KMT2C: variants seen among roughly 807,000 people sequenced by gnomAD.
KMT2C encodes the protein lysine methyltransferase 2C, also known as histone-lysine N-methyltransferase 2C.
A neutral mutation model predicts 507.9 loss-of-function variants in KMT2C; 88 were observed. That is an observed-to-expected ratio of 0.17 (90% CI 0.15 to 0.21). The LOEUF (loss-of-function observed/expected upper bound fraction) is 0.21. KMT2C is among the 10% of genes least tolerant of loss of function. The pLI is 1.00. For synonymous variants in KMT2C, 2,049 were observed against 2,080.8 expected, an observed-to-expected ratio of 0.98 and a Z score of 0.42; for missense variants, 4,954 against 5,957.8, an observed-to-expected ratio of 0.83 and a Z score of 5.55.
intron 1 of KMT2C, among the ~76,000 whole-genome samples, chr7:152,433,140 T>G (rs1026100386): frequency 6.0e-5 from 9 of 150,850 alleles, no homozygotes. Context: ...AGAGCAAGAC[T>G]TCGTCCAGAA....
chr7:152,159,114 C>G (rs377386936), intron 43 of KMT2C, 42 bp from the exon 44 acceptor site: 8 of 1,584,668 alleles, frequency 5.0e-6, no homozygotes, highest in Non-Finnish European at 6.9e-6. Context: ...GAACAATTTG[C>G]ATATTTGGTT....
At chr7:152,160,546 C>T (rs2092383687) in intron 43 of KMT2C, among the ~76,000 whole-genome samples, 2 of 151,810 alleles carry the variant, frequency 1.3e-5, no homozygotes, top group Admixed American at 1.3e-4. Flanking sequence ...TTACAAAGCT[C>T]CCACCTGATG....
chr7:152,237,897 G>A (rs1283592063), intron 15 of KMT2C, among the ~76,000 whole-genome samples: 3 of 152,240 alleles, frequency 2.0e-5, no homozygotes, highest in African/African-American at 4.8e-5. Flanking sequence ...TTATTTTCTC[G>A]AACATGAAAT....
rs149341503 is a variant in KMT2C, at chr7:152,157,203, C to A, written c.11671-857G>T. On this transcript the variant is annotated intron_variant, in intron 44 of 58. Coordinates refer to ENST00000262189, the MANE Select transcript of KMT2C (RefSeq NM_170606.3). ...GACCTCAGGGTGTGGTGGTGCATGC[C>A]TGTAGTCCCAGCTACTTGGTAGGTT... 4.2e-3 allele frequency among the ~76,000 whole-genome samples: 629 copies of A among 151,496 alleles called. 5 individuals are homozygous for A. Among genetic ancestry groups the A allele is most frequent in the African/African-American group, 0.015 (601 of 41,324 alleles).
At chr7:152,433,543 C>A (rs1218620243) in intron 1 of KMT2C, among the ~76,000 whole-genome samples, 1 of 152,184 alleles carries the variant, frequency 6.6e-6, no homozygotes, top group Non-Finnish European at 1.5e-5. Context: ...AAAGTTTAGA[C>A]CCGTCAAATT....
intron 44 of KMT2C, among the ~76,000 whole-genome samples, chr7:152,157,303 G>C (rs2092123675): frequency 6.7e-6 from 1 of 149,696 alleles, no homozygotes; most frequent in African/African-American, 2.5e-5. Context: ...AATCTGGCCT[G>C]GGTGACAGAG....
intron 6 of KMT2C, among the ~76,000 whole-genome samples, chr7:152,292,038 AT>A (rs141723956): frequency 6.6e-6 from 1 of 150,586 alleles, no homozygotes; most frequent in Non-Finnish European, 1.5e-5. Flanking sequence ...TTAATTTACT[AT>A]TTTTTTTTCT....
intron 5 of KMT2C, among the ~76,000 whole-genome samples, chr7:152,310,739 A>G (rs2096664233): frequency 1.3e-5 from 2 of 152,146 alleles, no homozygotes; most frequent in African/African-American, 2.4e-5. Flanking sequence ...GCTGAAGTTC[A>G]GTGGCATGAA....
intron 3 of KMT2C, among the ~76,000 whole-genome samples, chr7:152,320,439 G>A (rs2129205679): frequency 6.6e-6 from 1 of 152,194 alleles, no homozygotes; most frequent in South Asian, 2.1e-4. Flanking sequence ...AGTAGAGACG[G>A]AGTTTTGCCA....
chr7:152,260,864 T>C (rs1319962713), intron 9 of KMT2C, among the ~76,000 whole-genome samples: 5 of 151,782 alleles, frequency 3.3e-5, no homozygotes, highest in African/African-American at 4.8e-5. Flanking sequence ...GTTAATCAAA[T>C]CAAACAGAGA....
At chr7:152,408,736 G>GA (rs1419672473) in intron 1 of KMT2C, among the ~76,000 whole-genome samples, 1 of 150,150 alleles carries the variant, frequency 6.7e-6, no homozygotes. Context: ...GGGGTCTGTG[G>GA]AAAAAACTCT....
intron 1 of KMT2C, among the ~76,000 whole-genome samples, chr7:152,368,900 T>C (rs1290965129): frequency 1.3e-5 from 2 of 152,084 alleles, no homozygotes; most frequent in African/African-American, 4.8e-5. Context: ...TTTCTTTTTC[T>C]TTTTTTTATT....
At chr7:152,364,389 CA>C (rs2097220488) in intron 1 of KMT2C, among the ~76,000 whole-genome samples, 1 of 152,034 alleles carries the variant, frequency 6.6e-6, no homozygotes, top group African/African-American at 2.4e-5. Context: ...GGGCAGATCA[CA>C]AGGTCAGGAG....
intron 6 of KMT2C, among the ~76,000 whole-genome samples, chr7:152,290,246 G>GTA (rs2096390604): frequency 1.1e-5 from 1 of 88,622 alleles, no homozygotes; most frequent in East Asian, 3.0e-4. Flanking sequence ...GTGTGTGTGT[G>GTA]TGTGTGTATG....
In KMT2C at chr7:152,176,791, C is replaced by T. The variant is rs2093230571; in HGVS notation, c.8662G>A (p.Gly2888Ser). 2.5e-6 allele frequency: 4 copies of T among 1,614,188 alleles called. No individual in the cohort carries two copies. The highest frequency in any genetic ancestry group is 3.4e-6 in the Non-Finnish European group (4 of 1,180,036). The change falls in exon 38 of 59, where the codon GGC (glycine) becomes AGC (serine). Residue 2888 changes from glycine (G) to serine (S), a missense_variant. Transcript: ENST00000262189. ...FEKRTNRETA[G>S]PSANVIQAST... The stretch of plus-strand genomic sequence containing the variant: ...GCCTGAATGACATTTGCACTGGGGC[C>T]AGCAGTTTCTCGATTGGTTCTTTTC...
rs186002984 is a variant in KMT2C, at chr7:152,230,578, G to A, written c.2770-257C>T. On this transcript the variant is annotated intron_variant, in intron 16 of 58. Transcript: ENST00000262189. The stretch of plus-strand genomic sequence containing the variant: ...AAATATAATAAACCTGTCTTAGTAA[G>A]ACTTGATTATGCAGAATTCTAATCA... Among the ~76,000 whole-genome samples, 410 of 152,220 alleles carry A rather than the reference G, an allele frequency of 2.7e-3. 3 individuals carry two copies. Among genetic ancestry groups the A allele is most frequent in the African/African-American group, 9.5e-3 (395 of 41,534 alleles).
rs1365167714 is a variant in KMT2C, at chr7:152,247,956, A to G, written c.2478T>C (p.Gly826=). Residue 826 remains glycine, a synonymous_variant, in exon 14 of 59, where the codon GGT becomes GGC. Coordinates refer to ENST00000262189, the MANE Select transcript of KMT2C (RefSeq NM_170606.3). ...ATTTTCTCTTAGTAATAGCTGGTTT[A>G]CCCATGCCAATTTTTGGAGTGACTG... ...YISVTPKIGM[G]KPAITKRKFS... 4 of 1,614,242 alleles carry G rather than the reference A, an allele frequency of 2.5e-6. No individual in the cohort carries two copies. The highest frequency in any genetic ancestry group is 2.7e-5 in the African/African-American group (2 of 75,086).
At chr7:152,140,025 G>A (rs1462045502) in intron 55 of KMT2C, among the ~76,000 whole-genome samples, 1 of 151,848 alleles carries the variant, frequency 6.6e-6, no homozygotes, top group Non-Finnish European at 1.5e-5. Context: ...TAAATTCTTA[G>A]AGTCTATGTA....
At chr7:152,255,148 T>C (rs10240713) in intron 9 of KMT2C, among the ~76,000 whole-genome samples, 5,823 of 125,330 alleles carry the variant, frequency 0.046, 600 homozygotes, top group African/African-American at 0.17. Flanking sequence ...TATATATACA[T>C]ATATATATAT....
Sources: gnomAD v4.1 joint callset for allele counts (sites outside exome capture counted in the v4.1 genomes callset) on GRCh38, gnomAD v4.1.1 for gene constraint, MANE v1.5 for transcripts, NCBI Gene and HGNC (gene_info 2026-07-23, HGNC 2026-07-21) for gene names.